Variants in CENPM observed in about 807,000 individuals in gnomAD.
CENPM encodes interphase centromere complex protein 39.
A neutral mutation model predicts 19.6 loss-of-function variants in CENPM; 14 were observed. The observed-to-expected ratio is 0.71, with a 90% CI of 0.47 to 1.11. The LOEUF (loss-of-function observed/expected upper bound fraction) is 1.11, where lower values mean the gene tolerates loss of function less well. Among genes scored for constraint, CENPM ranks in the 50% most tolerant of loss-of-function variants. CENPM has a pLI of 0.00. For synonymous variants in CENPM, 114 were observed against 101.5 expected (o/e 1.12, Z -0.74); for missense variants, 239 against 228.4 (o/e 1.05, Z -0.30).
At chr22:41,943,445 T>C (rs1010820183) in intron 5 of CENPM, among the ~76,000 whole-genome samples, 165 bp downstream of exon 5, 9 of 152,038 alleles carry the variant, frequency 5.9e-5, no homozygotes, top group Admixed American at 2.6e-4. Flanking sequence ...AGCCAGTGAG[T>C]AGAAAAGCCA....
rs1382265864 is a variant in CENPM at position 41,945,231 on chromosome 22, T to G, written c.304A>C (p.Thr102Pro). ...FFLGKVCFLATGAGRESHCSI... is the reference protein window; with the variant it reads ...FFLGKVCFLAPGAGRESHCSI... ...AGGCGAGGAACGTACTTACCACCTG[T>G]GGCGAGGAAACACACCTTCCCCAAG... The change falls in exon 4 of 6, where the codon ACA becomes CCA. Residue 102 changes from threonine to proline, a missense_variant. Thr to Pro is a conservative substitution (Grantham distance 38). Transcript: ENST00000215980. 1.9e-6 allele frequency: 3 copies of G among 1,613,804 alleles called. No individual in the cohort carries two copies. The African/African-American group carries it at 4.0e-5, about 22-fold the overall frequency.
chr22:41,939,300 G>C, intron 5 of CENPM, 104 bp from the exon 6 acceptor site: 1 of 1,407,536 alleles, frequency 7.1e-7, no homozygotes, highest in Non-Finnish European at 9.5e-7. Context: ...GCGGATACTT[G>C]GGGGTAGCTC....
chr22:41,945,066 G>C, intron 4 of CENPM, 159 bp downstream of exon 4: 1 of 1,496,802 alleles, frequency 6.7e-7, no homozygotes, highest in Non-Finnish European at 8.9e-7. Flanking sequence ...TATTTTTCCA[G>C]ATCTTCTCCT....
Position 41,947,016 on chromosome 22 carries a change from C to T in CENPM, c.57+4G>A, listed in dbSNP as rs2077813820. 8 of 1,612,760 alleles carry T rather than the reference C, an allele frequency of 5.0e-6. No homozygotes were observed. Among genetic ancestry groups the T allele is most frequent in the Non-Finnish European group, 5.1e-6 (6 of 1,179,884 alleles). On this transcript the variant is annotated splice_donor_region_variant and intron_variant, in intron 1 of 5. Transcript: ENST00000215980. ...GCGGGGGAAGCAGGGCCGCCTGCAC[C>T]TACCAAGATGGTGGCCGTGTTCAGG...
chr22:41,942,252 G>A lies in CENPM; in HGVS notation c.402+1358C>T, dbSNP rs116328069. On this transcript the variant is annotated intron_variant, in intron 5 of 5. Coordinates refer to ENST00000215980, the MANE Select transcript of CENPM (RefSeq NM_024053.5). Reference sequence around the variant, plus strand: ...TGGGACCCCTCAGTAGACCCATCGCGGGGAGCACATCAACTCCTGCTGAGG... The same window carrying A: ...TGGGACCCCTCAGTAGACCCATCGCAGGGAGCACATCAACTCCTGCTGAGG... Among the ~76,000 whole-genome samples the A allele has an allele frequency of 6.6e-3, 999 of 152,324 alleles. 12 individuals carry two copies. The highest frequency in any genetic ancestry group is 0.022 in the African/African-American group (922 of 41,576).
chr22:41,945,297 T>C lies in CENPM; in HGVS notation c.238A>G (p.Asn80Asp). ...VNLHSKYSLQ[N>D]TEESLRHVDA... Reference sequence around the variant, plus strand: ...ACATGGCGCAGGGACTCCTCTGTGTTCTGGAGACTGGGGTGGCCAGGCCAG... The same window carrying C: ...ACATGGCGCAGGGACTCCTCTGTGTCCTGGAGACTGGGGTGGCCAGGCCAG... The change falls in exon 4 of 6, where the codon AAC (asparagine) becomes GAC (aspartate). Residue 80 changes from asparagine (N) to aspartate (D), a missense_variant. Coordinates refer to ENST00000215980, the MANE Select transcript of CENPM (RefSeq NM_024053.5). 1 of 1,613,988 alleles carries C rather than the reference T, an allele frequency of 6.2e-7. No individual in the cohort carries two copies. The highest frequency in any genetic ancestry group is 8.5e-7 in the Non-Finnish European group (1 of 1,180,010).
At chr22:41,931,312 T>C in the CENPM span, among the ~76,000 whole-genome samples, 1 of 141,258 alleles carries the variant, frequency 7.1e-6, no homozygotes, top group East Asian at 2.0e-4. Context: ...CTATAAGAAA[T>C]TTAAAAAAAA....
chr22:41,946,455 G>A lies in CENPM; in HGVS notation c.99C>T (p.Asp33=), dbSNP rs530488886. 1.2e-6 allele frequency: 2 copies of A among 1,613,082 alleles called. No individual in the cohort carries two copies. Among genetic ancestry groups the A allele is most frequent in the East Asian group, 2.2e-5 (1 of 44,880 alleles). Residue 33 remains aspartate (D), a synonymous_variant, in exon 2 of 6, where the codon GAC becomes GAT. Transcript: ENST00000215980. ...TEDALLQQLA[D]SMLKEDCASE... ...AGGCGCAGTCCTCTTTGAGCATCGA[G>A]TCCGCCAGCTGCTGCAGAAGAGCAT... is the stretch of plus-strand genomic sequence containing the variant.
chr22:41,931,981 C>T, the CENPM span, among the ~76,000 whole-genome samples: 1 of 152,220 alleles, frequency 6.6e-6, no homozygotes, highest in Non-Finnish European at 1.5e-5. Flanking sequence ...TGACAAAGGG[C>T]GTTTCCCCAC....
At chr22:41,938,266 C>T (rs768544484), downstream of CENPM, among the ~76,000 whole-genome samples, 13 of 150,268 alleles carry the variant, frequency 8.7e-5, no homozygotes, top group South Asian at 2.1e-4. Context: ...TTCAGCCTCC[C>T]GAGTAGTTGA....
At chr22:41,943,567 C>T (rs747481261) in intron 5 of CENPM, 43 bp downstream of exon 5, 8 of 1,555,006 alleles carry the variant, frequency 5.1e-6, no homozygotes, top group South Asian at 2.3e-5. Flanking sequence ...ACCCTTTCCC[C>T]GCACCCGAGT....
At position 41,946,362 on chromosome 22, in the gene CENPM, G is replaced by A. The variant is rs574769597; in HGVS notation, c.137+55C>T. 161 of 1,470,526 alleles carry A rather than the reference G, an allele frequency of 1.1e-4. No individual in the cohort carries two copies. In the African/African-American group the frequency reaches 1.9e-3, roughly 18 times the overall value. 91.1% of individuals were successfully genotyped at this position (1,470,526 alleles called of 1,614,324 possible). On this transcript the variant is annotated intron_variant, in intron 2 of 5. Coordinates refer to ENST00000215980, the MANE Select transcript of CENPM (RefSeq NM_024053.5). Reference sequence around the variant, plus strand: ...GCTTCGGAGTTTAGCAGCTAGGACCGAATCCCTCTGGAGTGAGAGACACGT... The same window carrying A: ...GCTTCGGAGTTTAGCAGCTAGGACCAAATCCCTCTGGAGTGAGAGACACGT...
At chr22:41,942,945 G>GACAACA (rs150317302) in intron 5 of CENPM, among the ~76,000 whole-genome samples, 2 of 151,366 alleles carry the variant, frequency 1.3e-5, no homozygotes, top group African/African-American at 2.4e-5. Context: ...AAACAATAAC[G>GACAACA]ACAACAACAA....
the CENPM span, among the ~76,000 whole-genome samples, chr22:41,927,711 C>A: frequency 6.6e-6 from 1 of 152,056 alleles, no homozygotes; most frequent in Non-Finnish European, 1.5e-5. Flanking sequence ...TTTGGCCAGG[C>A]TGGTCTCGAA....
At chr22:41,943,743 T>G in intron 4 of CENPM, 42 bp from the exon 5 acceptor site, 1 of 1,569,038 alleles carries the variant, frequency 6.4e-7, no homozygotes, top group Non-Finnish European at 8.7e-7. Flanking sequence ...ATCTCTACCT[T>G]CCTGGCTGGA....
rs2077803734 is a variant in CENPM at position 41,946,451 on chromosome 22, T to C, written c.103A>G (p.Met35Val). Reference protein sequence around the residue: ...DALLQQLADSMLKEDCASELK... With the variant: ...DALLQQLADSVLKEDCASELK... The stretch of plus-strand genomic sequence containing the variant: ...TCGGAGGCGCAGTCCTCTTTGAGCA[T>C]CGAGTCCGCCAGCTGCTGCAGAAGA... Residue 35 changes from methionine to valine, a missense_variant, in exon 2 of 6, where the codon ATG becomes GTG. Met to Val is a conservative substitution (Grantham distance 21). Coordinates refer to ENST00000215980, the MANE Select transcript of CENPM (RefSeq NM_024053.5). 1.2e-6 allele frequency: 2 copies of C among 1,612,928 alleles called. No homozygotes were observed. The highest frequency in any genetic ancestry group is 1.7e-6 in the Non-Finnish European group (2 of 1,179,986).
chr22:41,930,433 A>G, the CENPM span, among the ~76,000 whole-genome samples: 3 of 151,890 alleles, frequency 2.0e-5, no homozygotes, highest in South Asian at 4.2e-4. Flanking sequence ...GGGTTTCACC[A>G]TGCTAGCCAG....
chr22:41,939,336 C>T (rs1259235954), intron 5 of CENPM, 140 bp from the exon 6 acceptor site: 23 of 988,668 alleles, frequency 2.3e-5, no homozygotes, highest in Admixed American at 5.6e-5. Flanking sequence ...ACCACAGCCA[C>T]GCCCTCATTC....
the CENPM span, among the ~76,000 whole-genome samples, chr22:41,928,324 C>A: frequency 6.6e-6 from 1 of 152,206 alleles, no homozygotes; most frequent in African/African-American, 2.4e-5. The surrounding 1 kb of genome is among the most constrained non-coding windows in gnomAD (Gnocchi z 4.0). Flanking sequence ...GGGTCCCCAA[C>A]TGTCTGTCAC....
Sources: gnomAD v4.1 joint callset for allele counts (sites outside exome capture counted in the v4.1 genomes callset) on GRCh38, gnomAD v4.1.1 for gene constraint, Gnocchi (gnomAD v3.1) non-coding constraint, MANE v1.5 for transcripts, NCBI Gene and HGNC (gene_info 2026-07-23, HGNC 2026-07-21) for gene names.